Variants in CNTN2 observed in about 807,000 individuals in gnomAD.
CNTN2 encodes contactin 2.
Under a neutral mutation model 117.5 loss-of-function variants are expected in CNTN2, and 53 were observed. The observed-to-expected ratio is 0.45, with a 90% CI of 0.36 to 0.57. The LOEUF is 0.57. CNTN2 is among the 20% of genes least tolerant of loss of function. The pLI, the probability that CNTN2 is intolerant of heterozygous loss-of-function variation, is 0.00. For synonymous variants in CNTN2, 530 were observed against 561.7 expected (o/e 0.94, Z 0.80); for missense variants, 1,106 against 1,404.3 (o/e 0.79, Z 3.39).
chr1:205,055,341 G>A (rs1281438115), intron 2 of CNTN2, among the ~76,000 whole-genome samples: 3 of 152,162 alleles, frequency 2.0e-5, no homozygotes, highest in Admixed American at 6.5e-5. Context: ...ACACGGGGAG[G>A]CTCATGTGTG....
In CNTN2 at chr1:205,061,259, T is replaced by C. The variant is rs1180367772; in HGVS notation, c.812T>C (p.Ile271Thr). The C allele has an allele frequency of 6.2e-7, 1 of 1,610,532 alleles. No individual in the cohort carries two copies. The highest frequency in any genetic ancestry group is 1.1e-5 in the South Asian group (1 of 90,966). The change falls in exon 8 of 23, where the codon ATC becomes ACC. Residue 271 changes from isoleucine (I) to threonine (T), a missense_variant. Coordinates refer to ENST00000331830, the MANE Select transcript of CNTN2 (RefSeq NM_005076.5). This position sits in a 1 kb window ranked among gnomAD's most constrained non-coding sequence, Gnocchi z 4.8. ...CFAFGNPVPRIKWRKVDGSLS... is the reference protein window; with the variant it reads ...CFAFGNPVPRTKWRKVDGSLS... ...TCTCCTGCCAGCCCTGTCCCCCGGA[T>C]CAAGTGGCGCAAAGTGGACGGCTCC...
At chr1:205,050,515 T>G (rs2096450789) in intron 1 of CNTN2, among the ~76,000 whole-genome samples, 1 of 152,252 alleles carries the variant, frequency 6.6e-6, no homozygotes. Flanking sequence ...GTTTTTCACT[T>G]TCAGTACAGT....
Position 205,065,362 on chromosome 1 carries a change from C to A in CNTN2, c.1695+100C>A. On this transcript the variant is annotated intron_variant, in intron 13 of 22. Transcript: ENST00000331830. The surrounding 1 kb of genome is among the most constrained non-coding windows in gnomAD (Gnocchi z 4.1). The stretch of plus-strand genomic sequence containing the variant: ...ATCCTCACCTTTAAGAAACCCATAG[C>A]CTAAGCGCCCCCATTCCCTCAGGCC... 1 of 1,248,262 alleles carries A rather than the reference C, an allele frequency of 8.0e-7. No homozygotes were observed. The highest frequency in any genetic ancestry group is 1.1e-6 in the Non-Finnish European group (1 of 889,154). The allele number at this position is 1,248,262 out of a possible 1,614,324, so 77.3% of individuals were successfully genotyped here.
chr1:205,053,011 C>T lies in CNTN2; in HGVS notation c.-86-89C>T, dbSNP rs569724088. ...GGGCAATTCCGGCAGCTCCCCAGGC[C>T]GAGGTAAAAGCTTTACGGACCCAGA... is the stretch of plus-strand genomic sequence containing the variant. On this transcript the variant is annotated intron_variant, in intron 1 of 22. Coordinates refer to ENST00000331830, the MANE Select transcript of CNTN2 (RefSeq NM_005076.5). 1.3e-5 allele frequency: 6 copies of T among 459,756 alleles called. 1 individual carries two copies. The highest frequency in any genetic ancestry group is 6.0e-5 in the African/African-American group (3 of 49,968). The allele number at this position is 459,756 out of a possible 1,614,324, so 28.5% of individuals were successfully genotyped here.
At position 205,065,706 on chromosome 1, in the gene CNTN2, A is replaced by C. The variant is rs2151195289; in HGVS notation, c.1696-83A>C. 1.8e-6 allele frequency: 1 copy of C among 558,346 alleles called. No individual in the cohort carries two copies. The highest frequency in any genetic ancestry group is 1.6e-5 in the South Asian group (1 of 61,264). The allele number at this position is 558,346 out of a possible 1,614,324, so 34.6% of individuals were successfully genotyped here. On this transcript the variant is annotated intron_variant, in intron 13 of 22. Coordinates refer to ENST00000331830, the MANE Select transcript of CNTN2 (RefSeq NM_005076.5). This position sits in a 1 kb window ranked among gnomAD's most constrained non-coding sequence, Gnocchi z 4.1. ...GATGTCATGGAGTAGGGGACTCCCA[A>C]GCGCTGCCTCATGTCTCATGGCCTG...
intron 16 of CNTN2, 129 bp downstream of exon 16, chr1:205,067,379 A>C: frequency 1.7e-6 from 2 of 1,164,270 alleles, no homozygotes; most frequent in Non-Finnish European, 2.4e-6. Flanking sequence ...ACTCTCACAA[A>C]ACAGAGGAGG....
At position 205,070,225 on chromosome 1, in the gene CNTN2, T is replaced by G. The variant is rs1654521340; in HGVS notation, c.2431+164T>G. The G allele has an allele frequency of 4.0e-5, 31 of 773,466 alleles. No homozygotes were observed. The South Asian group carries it at 5.4e-4, about 13-fold the overall frequency. The allele number at this position is 773,466 out of a possible 1,614,324, so 47.9% of individuals were successfully genotyped here. A position where few individuals can be genotyped will look rare whatever the true frequency, so the allele number is the denominator to read the frequency against. On this transcript the variant is annotated intron_variant, in intron 18 of 22. Coordinates refer to ENST00000331830, the MANE Select transcript of CNTN2 (RefSeq NM_005076.5). ...GCCTCACTTCCAGCTCTTGCTACCT[T>G]GTCTCCCTTCGGGGTTAGGAAAAGG...
chr1:205,069,392 G>A, intron 16 of CNTN2, 99 bp from the exon 17 acceptor site: 3 of 1,173,916 alleles, frequency 2.6e-6, no homozygotes, highest in Non-Finnish European at 3.7e-6. Flanking sequence ...CCAGTTGAAG[G>A]GGTTCCCATC....
At position 205,058,105 on chromosome 1, in the gene CNTN2, C is replaced by T. The variant is rs766232696; in HGVS notation, c.215+40C>T. On this transcript the variant is annotated intron_variant, in intron 3 of 22. Transcript: ENST00000331830. This position sits in a 1 kb window ranked among gnomAD's most constrained non-coding sequence, Gnocchi z 4.3. ...GTGGGTGCTGGGAGGCCCTGGGCAG[C>T]CGTTGAACTTTCCCTCTCATCAGCC... The T allele has an allele frequency of 1.2e-6, 2 of 1,605,688 alleles. No individual in the cohort carries two copies. The highest frequency in any genetic ancestry group is 2.2e-5 in the South Asian group (2 of 90,050).
intron 15 of CNTN2, 71 bp from the exon 16 acceptor site, chr1:205,067,030 G>A: frequency 6.5e-7 from 1 of 1,537,020 alleles, no homozygotes; most frequent in South Asian, 1.3e-5. Flanking sequence ...GGGTGATTCA[G>A]GCCAGTGCCT....
rs757796437 is a variant in CNTN2 at position 205,058,698 on chromosome 1, C to A, written c.487+35C>A. 2 of 1,533,628 alleles carry A rather than the reference C, an allele frequency of 1.3e-6. No individual in the cohort carries two copies. Among genetic ancestry groups the A allele is most frequent in the East Asian group, 2.3e-5 (1 of 43,564 alleles). ...GACCTGGGGCCAGGGTTAGAGAGGG[C>A]ACAGGAAGGGCTTCCAGATGCTTGG... is the stretch of plus-strand genomic sequence containing the variant. On this transcript the variant is annotated intron_variant, in intron 5 of 22. Coordinates refer to ENST00000331830, the MANE Select transcript of CNTN2 (RefSeq NM_005076.5). This position sits in a 1 kb window ranked among gnomAD's most constrained non-coding sequence, Gnocchi z 4.3.
At chr1:205,068,647 T>G (rs950217245) in intron 16 of CNTN2, 17 of 152,366 alleles carry the variant, frequency 1.1e-4, no homozygotes, top group Admixed American at 1.1e-3. Context: ...ATGTATTAAC[T>G]GTGTGACCTT....
chr1:205,073,823 G>GC lies in CNTN2; in HGVS notation c.*62dup, dbSNP rs1654726917. The GC allele has an allele frequency of 2.1e-6, 3 of 1,419,572 alleles. No individual in the cohort carries two copies. The South Asian group carries it at 3.5e-5, about 17-fold the overall frequency. 87.9% of individuals were successfully genotyped at this position (1,419,572 alleles called of 1,614,324 possible). On this transcript the variant is annotated 3_prime_UTR_variant, in exon 23 of 23. Transcript: ENST00000331830. This position sits in a 1 kb window ranked among gnomAD's most constrained non-coding sequence, Gnocchi z 6.3. ...ACGCCACCTCCGACGGACACAGCCA[G>GC]CCCCTTCCTGCTGCCAAGGTGGCCT...
chr1:205,063,331 T>C (rs1654087546), intron 10 of CNTN2: 4 of 152,100 alleles, frequency 2.6e-5, no homozygotes, highest in Admixed American at 2.6e-4. Flanking sequence ...AAATATAGTA[T>C]AAAGAAAATC....
rs565088783 is a variant in CNTN2 at position 205,061,454 on chromosome 1, C to T, written c.973+34C>T. The T allele has an allele frequency of 2.4e-5, 37 of 1,540,614 alleles. No homozygotes were observed. The South Asian group carries it at 2.5e-4, about 10-fold the overall frequency. Reference sequence around the variant, plus strand: ...CCAGGGACACCTTCTCCGCCCCTCCCGACCCCCCTTCCCGCCTTCACCCTT... The same window carrying T: ...CCAGGGACACCTTCTCCGCCCCTCCTGACCCCCCTTCCCGCCTTCACCCTT... On this transcript the variant is annotated intron_variant, in intron 8 of 22. Coordinates refer to ENST00000331830, the MANE Select transcript of CNTN2 (RefSeq NM_005076.5). This position sits in a 1 kb window ranked among gnomAD's most constrained non-coding sequence, Gnocchi z 4.8.
At chr1:205,046,123 T>C (rs534402836) in intron 1 of CNTN2, among the ~76,000 whole-genome samples, 21 of 152,180 alleles carry the variant, frequency 1.4e-4, no homozygotes, top group Non-Finnish European at 2.9e-4. Context: ...GTGGGCTCCG[T>C]ATCCTGACGG....
Position 205,064,464 on chromosome 1 carries a change from C to T in CNTN2, c.1383C>T (p.Asn461=). ...LWSKGTEILV[N]SSRVTVTPDG... is the part of the protein sequence containing the mutation. ...GCAAAGGCACGGAGATTTTGGTCAA[C>T]AGCAGCAGGTACCACCCACACCCCA... The change falls in exon 11 of 23, where the codon AAC becomes AAT. Residue 461 remains asparagine, a synonymous_variant. Transcript: ENST00000331830. The T allele has an allele frequency of 1.2e-6, 2 of 1,609,212 alleles. No homozygotes were observed. The highest frequency in any genetic ancestry group is 1.7e-6 in the Non-Finnish European group (2 of 1,176,136).
At chr1:205,068,284 G>A (rs561923339) in intron 16 of CNTN2, 2 of 152,332 alleles carry the variant, frequency 1.3e-5, no homozygotes, top group East Asian at 3.9e-4. Flanking sequence ...ATAGATTAAG[G>A]ACCCTGCCTC....
chr1:205,066,682 G>A, intron 15 of CNTN2, 83 bp downstream of exon 15: 1 of 1,497,218 alleles, frequency 6.7e-7, no homozygotes, highest in East Asian at 2.3e-5. Flanking sequence ...TTGGGGATCG[G>A]GGTCTGAGGG....
Sources: gnomAD v4.1 joint callset for allele counts (sites outside exome capture counted in the v4.1 genomes callset) on GRCh38, gnomAD v4.1.1 for gene constraint, Gnocchi (gnomAD v3.1) non-coding constraint, MANE v1.5 for transcripts, NCBI Gene and HGNC (gene_info 2026-07-23, HGNC 2026-07-21) for gene names.